The following CREB5 variants were observed in gnomAD, a reference collection of about 807,000 sequenced individuals.
CREB5 encodes the protein cyclic AMP-responsive element-binding protein 5.
Under a neutral mutation model 57.1 loss-of-function variants are expected in CREB5, and 19 were observed. The ratio of observed to expected loss-of-function variants is 0.33; its 90% CI spans 0.23 to 0.49. CREB5 has a LOEUF of 0.49. CREB5 is among the 20% of genes least tolerant of loss of function. The probability of loss-of-function intolerance (pLI) is 0.99; values close to 1 mark genes in which losing one functional copy is unlikely to be tolerated. For missense variants in CREB5, 579 were observed against 671.6 expected (o/e 0.86, Z 1.52); for synonymous variants, 238 against 238.3 (o/e 1.00, Z 0.01).
intron 7 of CREB5, among the ~76,000 whole-genome samples, chr7:28,781,386 T>C (rs1806962582): frequency 6.6e-6 from 1 of 152,216 alleles, no homozygotes; most frequent in African/African-American, 2.4e-5. Flanking sequence ...AATGTTAATG[T>C]GTGGTCTTAA....
intron 1 of CREB5, among the ~76,000 whole-genome samples, chr7:28,391,823 G>A (rs535515581): frequency 6.6e-6 from 1 of 152,242 alleles, no homozygotes; most frequent in African/African-American, 2.4e-5. Context: ...TATGTAATAA[G>A]CAGCTATTTT....
chr7:28,429,411 C>G (rs531937755), intron 1 of CREB5, among the ~76,000 whole-genome samples: 1 of 152,190 alleles, frequency 6.6e-6, no homozygotes, highest in Non-Finnish European at 1.5e-5. Context: ...ACCATTTTCT[C>G]AGCATCTGGC....
chr7:28,348,406 TCTCA>T (rs1301521005), intron 1 of CREB5, among the ~76,000 whole-genome samples: 2 of 32,040 alleles, frequency 6.2e-5, no homozygotes, highest in African/African-American at 1.9e-4. Context: ...TGTCTCTCTC[TCTCA>T]CACACACACA....
At chr7:28,361,219 G>T (rs1458385366) in intron 1 of CREB5, among the ~76,000 whole-genome samples, 1 of 152,180 alleles carries the variant, frequency 6.6e-6, no homozygotes, top group African/African-American at 2.4e-5. Context: ...TCAGTGCCTG[G>T]CATATGTTGC....
In CREB5 at chr7:28,821,277, AAG is replaced by A. The variant is rs1193511883; in HGVS notation, c.*2000_*2001del. 2 of 152,176 alleles carry A rather than the reference AAG, an allele frequency of 1.3e-5. No individual in the cohort carries two copies. The highest frequency in any genetic ancestry group is 2.9e-5 in the Non-Finnish European group (2 of 67,934). 9.4% of individuals were successfully genotyped at this position (152,176 alleles called of 1,614,324 possible). A position where few individuals can be genotyped will look rare whatever the true frequency, so the allele number is the denominator to read the frequency against. Reference sequence around the variant, plus strand: ...TATAAGAATCTATTTTGGAGAAAAAAAGAAAATATGAGGGTCTCGAAGCATGA... The same window carrying A: ...TATAAGAATCTATTTTGGAGAAAAAAAAAATATGAGGGTCTCGAAGCATGA... On this transcript the variant is annotated 3_prime_UTR_variant, in exon 11 of 11. Transcript: ENST00000357727.
chr7:28,394,847 T>C (rs1366318060), intron 1 of CREB5, among the ~76,000 whole-genome samples: 2 of 152,228 alleles, frequency 1.3e-5, no homozygotes, highest in South Asian at 2.1e-4. Context: ...TTGCATTTTA[T>C]TGATTTTTAT....
chr7:28,728,121 G>A (rs1240563247), intron 7 of CREB5, among the ~76,000 whole-genome samples: 1 of 151,956 alleles, frequency 6.6e-6, no homozygotes, highest in African/African-American at 2.4e-5. Context: ...TTATATTTTT[G>A]TCGAGACAGG....
intron 4 of CREB5, among the ~76,000 whole-genome samples, chr7:28,545,595 A>G (rs1305325971): frequency 6.6e-6 from 1 of 152,238 alleles, no homozygotes; most frequent in Non-Finnish European, 1.5e-5. Flanking sequence ...TTTAAGAAAC[A>G]TATGTATATA....
intron 4 of CREB5, among the ~76,000 whole-genome samples, chr7:28,560,514 G>A (rs1583627446): frequency 6.6e-6 from 1 of 152,056 alleles, no homozygotes. Context: ...GTTCTGGGAG[G>A]GACTAAAAGG....
At chr7:28,715,170 G>T (rs549791314) in intron 5 of CREB5, among the ~76,000 whole-genome samples, 1 of 152,168 alleles carries the variant, frequency 6.6e-6, no homozygotes, top group Non-Finnish European at 1.5e-5. Context: ...AATATCAAAA[G>T]AAATGAACTG....
chr7:28,804,264 A>G lies in CREB5; in HGVS notation c.768A>G (p.Gly256=). 1.8e-5 allele frequency: 29 copies of G among 1,614,102 alleles called. No homozygotes were observed. Among genetic ancestry groups the G allele is most frequent in the Non-Finnish European group, 2.5e-5 (29 of 1,180,004 alleles). ...CAAATGGGAACATGAACACCATGGG[A>G]CACATGATGGAGATGATGGGCTCCC... ...AMSNGNMNTM[G]HMMEMMGSRQ... The change falls in exon 8 of 11, where the codon GGA becomes GGG. Residue 256 remains glycine (G), a synonymous_variant. Transcript: ENST00000357727.
intron 7 of CREB5, among the ~76,000 whole-genome samples, chr7:28,744,643 C>T (rs1013609171): frequency 1.3e-5 from 2 of 152,090 alleles, no homozygotes; most frequent in Non-Finnish European, 1.5e-5. Context: ...CCACCATGCC[C>T]GGCCCCCTTT....
Position 28,534,931 on chromosome 7 carries a change from C to T in CREB5, c.291+27194C>T, listed in dbSNP as rs537892609. 7.1e-5 allele frequency among the ~76,000 whole-genome samples: 10 copies of T among 141,446 alleles called. 3 individuals are homozygous for T. Among genetic ancestry groups the T allele is most frequent in the African/African-American group, 2.6e-4 (10 of 38,594 alleles). The allele number at this position is 141,446 out of a possible 152,430, so 92.8% of individuals were successfully genotyped here. A position where few individuals can be genotyped will look rare whatever the true frequency, so the allele number is the denominator to read the frequency against. On this transcript the variant is annotated intron_variant, in intron 4 of 10. Coordinates refer to ENST00000357727, the MANE Select transcript of CREB5 (RefSeq NM_182898.4). ...AGTTTGACTCTGGAGTCTGAGTTCT[C>T]AAGGCCCTGATGTCCCGTATCACCT...
At chr7:28,365,312 C>T (rs560663604) in intron 1 of CREB5, among the ~76,000 whole-genome samples, 71 of 152,256 alleles carry the variant, frequency 4.7e-4, no homozygotes, top group African/African-American at 1.6e-3. Flanking sequence ...CGTCTATACC[C>T]ATACATCACA....
At chr7:28,751,641 G>A (rs1236528342) in intron 7 of CREB5, among the ~76,000 whole-genome samples, 2 of 152,172 alleles carry the variant, frequency 1.3e-5, no homozygotes, top group African/African-American at 4.8e-5. Flanking sequence ...TAATGGAAAA[G>A]TCGCAAAAAT....
intron 5 of CREB5, among the ~76,000 whole-genome samples, chr7:28,667,066 G>A (rs2240483): frequency 0.26 from 39,288 of 151,760 alleles, 5,190 homozygotes; most frequent in Middle Eastern, 0.36. Flanking sequence ...TTTGTGAAGA[G>A]TGAAACGAGG....
chr7:28,521,559 T>A (rs1219338369), intron 4 of CREB5, among the ~76,000 whole-genome samples: 2 of 152,224 alleles, frequency 1.3e-5, no homozygotes, highest in African/African-American at 2.4e-5. Context: ...CTTGCCAAAA[T>A]TCAAACAGTA....
intron 1 of CREB5, among the ~76,000 whole-genome samples, chr7:28,463,472 C>T (rs150450119): frequency 1.3e-5 from 2 of 152,200 alleles, no homozygotes; most frequent in East Asian, 1.9e-4. Context: ...AGAAGAAAGC[C>T]GGGATTTTGT....
intron 7 of CREB5, among the ~76,000 whole-genome samples, chr7:28,774,524 C>T (rs1025070548): frequency 3.3e-5 from 5 of 152,242 alleles, no homozygotes; most frequent in Non-Finnish European, 5.9e-5. Context: ...CTGAGACTGA[C>T]TGTTGCCATA....
Sources: gnomAD v4.1 joint callset for allele counts (sites outside exome capture counted in the v4.1 genomes callset) on GRCh38, gnomAD v4.1.1 for gene constraint, MANE v1.5 for transcripts, NCBI Gene and HGNC (gene_info 2026-07-23, HGNC 2026-07-21) for gene names.